The following OXCT1 variants were observed in gnomAD, a reference collection of about 807,000 sequenced individuals.
OXCT1 encodes succinyl-CoA:3-ketoacid coenzyme A transferase 1, mitochondrial.
A neutral mutation model predicts 69.6 loss-of-function variants in OXCT1; 27 were observed. The observed-to-expected ratio is 0.39, with a 90% CI of 0.29 to 0.54. The LOEUF (loss-of-function observed/expected upper bound fraction) is 0.54. OXCT1 is among the 20% of genes least tolerant of loss of function. OXCT1 has a pLI of 0.72. For missense variants in OXCT1, 437 were observed against 650.2 expected (o/e 0.67, Z 3.57); for synonymous variants, 202 against 217.8 (o/e 0.93, Z 0.64).
At chr5:41,824,994 C>T (rs1458966028) in intron 7 of OXCT1, among the ~76,000 whole-genome samples, 1 of 152,154 alleles carries the variant, frequency 6.6e-6, no homozygotes, top group African/African-American at 2.4e-5. Flanking sequence ...GTATCCTTTT[C>T]TGCAACTATT....
chr5:41,834,487 C>CAAAAAAAAA, intron 7 of OXCT1, among the ~76,000 whole-genome samples: 1 of 75,094 alleles, frequency 1.3e-5, no homozygotes, highest in Non-Finnish European at 2.8e-5. Context: ...TGGAAACCCA[C>CAAAAAAAAA]AAAAAAAAAA....
intron 1 of OXCT1, among the ~76,000 whole-genome samples, chr5:41,868,520 G>A (rs1395850734): frequency 1.3e-5 from 2 of 152,094 alleles, no homozygotes; most frequent in Admixed American, 1.3e-4. Context: ...TCAGGAGATC[G>A]AGACCATCCC....
At chr5:41,853,389 G>C (rs371698487) in intron 4 of OXCT1, 30 bp downstream of exon 4, 10 of 1,595,812 alleles carry the variant, frequency 6.3e-6, no homozygotes, top group African/African-American at 1.3e-5. Flanking sequence ...AAGTAAGTTA[G>C]TATTATAAAA....
chr5:41,868,587 G>A (rs1750117175), intron 1 of OXCT1, among the ~76,000 whole-genome samples: 1 of 151,634 alleles, frequency 6.6e-6, no homozygotes, highest in Admixed American at 6.6e-5. Context: ...GCCGGGCGTA[G>A]TGGCGGGCGC....
At chr5:41,841,900 T>C (rs765952501) in intron 6 of OXCT1, among the ~76,000 whole-genome samples, 2 of 152,198 alleles carry the variant, frequency 1.3e-5, no homozygotes, top group African/African-American at 2.4e-5. Context: ...AGAACTTAAC[T>C]GTAATTGCAC....
intron 7 of OXCT1, among the ~76,000 whole-genome samples, chr5:41,814,014 T>C (rs1156235894): frequency 6.6e-6 from 1 of 152,116 alleles, no homozygotes; most frequent in Admixed American, 6.6e-5. Context: ...CAATTTTTAG[T>C]CCAATCCTAG....
intron 3 of OXCT1, among the ~76,000 whole-genome samples, chr5:41,856,247 T>C (rs1369478801): frequency 6.6e-6 from 1 of 151,974 alleles, no homozygotes; most frequent in Non-Finnish European, 1.5e-5. Flanking sequence ...AAGGGAGAAA[T>C]CAAGAGGGTC....
intron 13 of OXCT1, among the ~76,000 whole-genome samples, chr5:41,786,881 A>G (rs1745663590): frequency 6.6e-6 from 1 of 152,212 alleles, no homozygotes; most frequent in South Asian, 2.1e-4. Flanking sequence ...TAATATAACT[A>G]AAGAGAGCAA....
At chr5:41,741,853 A>G (rs1300054447) in intron 15 of OXCT1, among the ~76,000 whole-genome samples, 2 of 152,240 alleles carry the variant, frequency 1.3e-5, no homozygotes, top group African/African-American at 4.8e-5. Flanking sequence ...AAAAAAATAA[A>G]TGGATAATTT....
chr5:41,869,303 G>A (rs539598747), intron 1 of OXCT1, among the ~76,000 whole-genome samples: 2 of 152,192 alleles, frequency 1.3e-5, no homozygotes, highest in African/African-American at 2.4e-5. Flanking sequence ...TGCATGGCAC[G>A]CTGTCAAGCT....
intron 1 of OXCT1, among the ~76,000 whole-genome samples, chr5:41,864,272 T>C (rs1035511141): frequency 1.3e-5 from 2 of 152,192 alleles, no homozygotes; most frequent in African/African-American, 4.8e-5. Flanking sequence ...ACTGCTACCT[T>C]AACATGCCAG....
intron 7 of OXCT1, among the ~76,000 whole-genome samples, chr5:41,836,730 C>G (rs1448772099): frequency 6.6e-6 from 1 of 152,090 alleles, no homozygotes; most frequent in Non-Finnish European, 1.5e-5. Flanking sequence ...CAGGGCTGAT[C>G]TAACAGGAGG....
At position 41,731,623 on chromosome 5, in the gene OXCT1, T is replaced by C; in HGVS notation, c.*106A>G. The C allele has an allele frequency of 3.4e-6, 5 of 1,481,496 alleles. No individual in the cohort carries two copies. In the South Asian group the frequency reaches 3.7e-5, roughly 11 times the overall value. The allele number at this position is 1,481,496 out of a possible 1,614,324, so 91.8% of individuals were successfully genotyped here. A position where few individuals can be genotyped will look rare whatever the true frequency, so the allele number is the denominator to read the frequency against. ...AAAGTCTGAAACACAAGAAAACTAA[T>C]AAAAAACCACCTGTTAAATACACAA... On this transcript the variant is annotated 3_prime_UTR_variant, in exon 17 of 17. Transcript: ENST00000196371.
At chr5:41,759,655 A>G (rs1276661336) in intron 14 of OXCT1, among the ~76,000 whole-genome samples, 3 of 152,138 alleles carry the variant, frequency 2.0e-5, no homozygotes, top group Non-Finnish European at 4.4e-5. Flanking sequence ...ACTGGTTGCA[A>G]GAGTTTCCTT....
At chr5:41,828,809 T>C (rs1433280499) in intron 7 of OXCT1, among the ~76,000 whole-genome samples, 1 of 152,240 alleles carries the variant, frequency 6.6e-6, no homozygotes, top group Non-Finnish European at 1.5e-5. Context: ...ATAGAAGTTA[T>C]GCTGTAAATG....
At chr5:41,789,249 G>A (rs1371573698) in intron 13 of OXCT1, among the ~76,000 whole-genome samples, 3 of 152,160 alleles carry the variant, frequency 2.0e-5, no homozygotes, top group African/African-American at 2.4e-5. Context: ...TAAACAATAC[G>A]TAAATGAGTG....
At position 41,870,128 on chromosome 5, in the gene OXCT1, G is replaced by A. The variant is rs1750217095; in HGVS notation, c.78+153C>T. 8.4e-6 allele frequency: 6 copies of A among 717,654 alleles called. No individual in the cohort carries two copies. Among genetic ancestry groups the A allele is most frequent in the African/African-American group, 1.7e-5 (1 of 57,230 alleles). 44.5% of individuals were successfully genotyped at this position (717,654 alleles called of 1,614,324 possible). On this transcript the variant is annotated intron_variant, in intron 1 of 16. Transcript: ENST00000196371. This position sits in a 1 kb window ranked among gnomAD's most constrained non-coding sequence, Gnocchi z 4.2. The stretch of plus-strand genomic sequence containing the variant: ...GAGGGGCCGGCGAGGCCAGGAACGC[G>A]TCGCCGCGTGTCCGTGACCAGGGCA...
chr5:41,790,073 C>G (rs990781728), intron 13 of OXCT1, among the ~76,000 whole-genome samples: 1 of 152,048 alleles, frequency 6.6e-6, no homozygotes, highest in African/African-American at 2.4e-5. Flanking sequence ...AAAAAAACAC[C>G]AAAAGTGTCC....
At chr5:41,750,135 G>GTTTTTT (rs11291155) in intron 14 of OXCT1, among the ~76,000 whole-genome samples, 2 of 73,924 alleles carry the variant, frequency 2.7e-5, no homozygotes, top group South Asian at 5.2e-4. Context: ...GTGTTTTTTG[G>GTTTTTT]TTTTTTTTTT....
Sources: gnomAD v4.1 joint callset for allele counts (sites outside exome capture counted in the v4.1 genomes callset) on GRCh38, gnomAD v4.1.1 for gene constraint, Gnocchi (gnomAD v3.1) non-coding constraint, MANE v1.5 for transcripts, NCBI Gene and HGNC (gene_info 2026-07-23, HGNC 2026-07-21) for gene names.